The following FGD3 variants were observed in gnomAD, a reference collection of about 807,000 sequenced individuals.
The protein encoded by FGD3 is FYVE, RhoGEF and PH domain-containing protein 3.
Under a neutral mutation model 71.8 loss-of-function variants are expected in FGD3, and 45 were observed. The ratio of observed to expected loss-of-function variants is 0.63; its 90% confidence interval spans 0.49 to 0.80. The LOEUF (loss-of-function observed/expected upper bound fraction) is 0.80, where lower values mean the gene tolerates loss of function less well. Ranked by LOEUF, FGD3 falls within the 30% of genes least tolerant of loss-of-function variation. The pLI is 0.00. For synonymous variants in FGD3, 378 were observed against 392.8 expected (o/e 0.96, Z 0.44); for missense variants, 844 against 951.5 (o/e 0.89, Z 1.49).
chr9:93,003,676 GT>G lies in FGD3; in HGVS notation c.544-320del, dbSNP rs1860941913. ...GGTTTTGACAGACAGTGCTGCTGCT[GT>G]TTTTATCTCACGAGAAAGAAAAGGA... On this transcript the variant is annotated intron_variant, in intron 4 of 17. Transcript: ENST00000375482. The surrounding 1 kb of genome is among the most constrained non-coding windows in gnomAD (Gnocchi z 4.1). Among the ~76,000 whole-genome samples the G allele has an allele frequency of 6.6e-6, 1 of 152,176 alleles. No individual in the cohort carries two copies. The highest frequency in any genetic ancestry group is 1.5e-5 in the Non-Finnish European group (1 of 68,034).
intron 16 of FGD3, chr9:93,033,179 G>A: frequency 2.3e-6 from 1 of 440,912 alleles, no homozygotes; most frequent in Non-Finnish European, 4.3e-6. Flanking sequence ...CTGCCCTCAA[G>A]TCCAGGCCTT....
chr9:92,970,656 G>A (rs1859496493), intron 1 of FGD3, among the ~76,000 whole-genome samples: 1 of 152,228 alleles, frequency 6.6e-6, no homozygotes, highest in Admixed American at 6.5e-5. Flanking sequence ...TTGCTCGATG[G>A]GGAGTGACAC....
chr9:93,029,907 C>T lies in FGD3; in HGVS notation c.1591C>T (p.Arg531Cys), dbSNP rs780003397. The T allele has an allele frequency of 9.3e-6, 15 of 1,613,272 alleles. No homozygotes were observed. The highest frequency in any genetic ancestry group is 5.3e-5 in the African/African-American group (4 of 74,892). ...EPRKLSSKTR[R>C]DKEKQSCKSC... Reference sequence around the variant, plus strand: ...CAGAAAACTATCCTCTAAGACCAGACGTGACAAGGAGAAGCAGAGCTGTAA... The same window carrying T: ...CAGAAAACTATCCTCTAAGACCAGATGTGACAAGGAGAAGCAGAGCTGTAA... Residue 531 changes from arginine to cysteine, a missense_variant, in exon 15 of 18, where the codon CGT (arginine) becomes TGT (cysteine). Physicochemically the swap from Arg to Cys is radical, Grantham distance 180. Coordinates refer to ENST00000375482, the MANE Select transcript of FGD3 (RefSeq NM_001083536.2).
intron 14 of FGD3, among the ~76,000 whole-genome samples, chr9:93,024,891 G>A (rs975291704): frequency 6.6e-6 from 1 of 152,258 alleles, no homozygotes; most frequent in Non-Finnish European, 1.5e-5. Flanking sequence ...GACACAGCTT[G>A]GAGATGGCCT....
intron 1 of FGD3, among the ~76,000 whole-genome samples, chr9:92,960,934 G>A (rs558956099): frequency 5.9e-5 from 9 of 151,994 alleles, no homozygotes; most frequent in African/African-American, 1.9e-4. Flanking sequence ...TGGTGATTGG[G>A]TGCTCCCCCT....
At chr9:92,975,715 T>C (rs554659371) in intron 2 of FGD3, among the ~76,000 whole-genome samples, 239 of 152,122 alleles carry the variant, frequency 1.6e-3, no homozygotes, top group Non-Finnish European at 3.0e-3. Context: ...CTGAGGGAGA[T>C]AGTAGAGACA....
At chr9:92,961,173 C>T (rs1489292693) in intron 1 of FGD3, among the ~76,000 whole-genome samples, 1 of 152,138 alleles carries the variant, frequency 6.6e-6, no homozygotes, top group Non-Finnish European at 1.5e-5. Flanking sequence ...GACTGGGGGT[C>T]CCTGGGACAA....
chr9:93,032,104 G>A (rs10117910), intron 15 of FGD3, among the ~76,000 whole-genome samples: 34,845 of 151,938 alleles, frequency 0.23, 4,217 homozygotes, highest in African/African-American at 0.32. Flanking sequence ...TTCATCTGCC[G>A]ATGGACACGG....
chr9:93,033,148 G>C (rs956349770), intron 16 of FGD3: 5 of 500,604 alleles, frequency 1.0e-5, no homozygotes, highest in Admixed American at 3.0e-5. Flanking sequence ...TGGTCACCTG[G>C]TTGGAGGGCA....
At chr9:93,012,433 T>G (rs1178496489) in intron 8 of FGD3, among the ~76,000 whole-genome samples, 1 of 152,052 alleles carries the variant, frequency 6.6e-6, no homozygotes, top group African/African-American at 2.4e-5. Flanking sequence ...GTGTCAGCCA[T>G]GTGTTACCAT....
intron 14 of FGD3, among the ~76,000 whole-genome samples, chr9:93,029,054 C>T (rs1158635114): frequency 8.6e-6 from 1 of 115,680 alleles, no homozygotes; most frequent in Non-Finnish European, 1.7e-5. Context: ...GAATCTCGCT[C>T]TATAGCCCAG....
intron 14 of FGD3, among the ~76,000 whole-genome samples, chr9:93,023,028 C>T (rs1426098468): frequency 6.6e-6 from 1 of 152,130 alleles, no homozygotes; most frequent in South Asian, 2.1e-4. Flanking sequence ...GGATGAGGGC[C>T]AAGAGCATCT....
At position 92,978,498 on chromosome 9, in the gene FGD3, A is replaced by G. The variant is rs945024121; in HGVS notation, c.453+1789A>G. Among the ~76,000 whole-genome samples the G allele has an allele frequency of 4.8e-5, 7 of 146,536 alleles. No individual in the cohort carries two copies. The Admixed American group carries it at 5.0e-4, about 11-fold the overall frequency. On this transcript the variant is annotated intron_variant, in intron 3 of 17. Coordinates refer to ENST00000375482, the MANE Select transcript of FGD3 (RefSeq NM_001083536.2). The stretch of plus-strand genomic sequence containing the variant: ...TGATTAACTTTCTTTCAATGAGAAG[A>G]TCACTGACTCTGTATGGACTGGCTC...
chr9:92,994,018 C>G (rs1860528586), intron 3 of FGD3, among the ~76,000 whole-genome samples: 1 of 152,190 alleles, frequency 6.6e-6, no homozygotes, highest in South Asian at 2.1e-4. Flanking sequence ...ATTTCTAGTT[C>G]TAGATCCTTG....
Position 93,028,995 on chromosome 9 carries a change from G to GTTT in FGD3, c.1558-839_1558-837dup, listed in dbSNP as rs869235976. Among the ~76,000 whole-genome samples the GTTT allele has an allele frequency of 8.8e-3, 456 of 51,708 alleles. 91 individuals carry two copies. Among genetic ancestry groups the GTTT allele is most frequent in the Non-Finnish European group, 0.013 (360 of 27,342 alleles). 33.9% of individuals were successfully genotyped at this position (51,708 alleles called of 152,430 possible). A position where few individuals can be genotyped will look rare whatever the true frequency, so the allele number is the denominator to read the frequency against. The stretch of plus-strand genomic sequence containing the variant: ...CATGGCTTCCTCACATGTCCTCACA[G>GTTT]TTTTTTTTTTTTTTTTTTTTTTTTT... On this transcript the variant is annotated intron_variant, in intron 14 of 17. Transcript: ENST00000375482.
At chr9:93,032,569 C>T (rs548590987) in intron 15 of FGD3, 200 bp from the exon 16 acceptor site, 425 of 588,732 alleles carry the variant, frequency 7.2e-4, no homozygotes, top group Non-Finnish European at 9.5e-4. Context: ...GGGTACCAGA[C>T]GCCCAGCAGG....
At chr9:92,954,474 CTCTGAGT>C (rs1859012497) in intron 1 of FGD3, among the ~76,000 whole-genome samples, 1 of 152,210 alleles carries the variant, frequency 6.6e-6, no homozygotes, top group Admixed American at 6.5e-5. Context: ...AGCAGCCGGG[CTCTGAGT>C]CCTGTGCCCG....
intron 6 of FGD3, among the ~76,000 whole-genome samples, chr9:93,006,921 G>T (rs942653306): frequency 6.6e-6 from 1 of 151,110 alleles, no homozygotes; most frequent in African/African-American, 2.4e-5. Context: ...GAGAGATGGG[G>T]TTTCACTGTG....
intron 3 of FGD3, among the ~76,000 whole-genome samples, chr9:92,995,916 G>A (rs1313172604): frequency 2.0e-5 from 3 of 152,120 alleles, no homozygotes; most frequent in Non-Finnish European, 4.4e-5. Context: ...TGTTCATCAG[G>A]GATATTGGTC....
Sources: allele counts gnomAD v4.1 joint callset (sites outside exome capture counted in the v4.1 genomes callset), GRCh38; gene constraint gnomAD v4.1.1; non-coding constraint Gnocchi (gnomAD v3.1); transcripts MANE v1.5; gene names NCBI Gene and HGNC (gene_info 2026-07-23, HGNC 2026-07-21).